CUX2: variants seen among roughly 807,000 people sequenced by gnomAD.
CUX2 encodes the protein homeobox protein cut-like 2.
In CUX2, 40 loss-of-function variants were observed where a neutral mutation model predicts 144.8. The observed-to-expected ratio is 0.28, with a 90% CI of 0.21 to 0.36. The LOEUF (loss-of-function observed/expected upper bound fraction) is 0.36. Among genes scored for constraint, CUX2 ranks in the 10% least tolerant of loss-of-function variants. CUX2 has a pLI of 1.00. For missense variants in CUX2, 1,615 were observed against 1,994.0 expected (o/e 0.81, Z 3.62); for synonymous variants, 827 against 875.6 (o/e 0.94, Z 0.98).
At chr12:111,065,357 G>A (rs1230469722) in intron 1 of CUX2, among the ~76,000 whole-genome samples, 1 of 152,268 alleles carries the variant, frequency 6.6e-6, no homozygotes, top group Non-Finnish European at 1.5e-5. Flanking sequence ...TGTTTGAGAC[G>A]GAGTCTTGCT....
chr12:111,195,012 C>T (rs1309141420), intron 1 of CUX2, among the ~76,000 whole-genome samples: 4 of 152,158 alleles, frequency 2.6e-5, no homozygotes, highest in African/African-American at 7.2e-5. Context: ...GACCCACATG[C>T]GGGGGTGTCA....
intron 19 of CUX2, among the ~76,000 whole-genome samples, chr12:111,337,044 G>A (rs1158326864): frequency 1.3e-5 from 2 of 151,922 alleles, no homozygotes; most frequent in Admixed American, 1.3e-4. Context: ...GCATGGTAGT[G>A]TGTGCCTATA....
chr12:111,318,731 G>A (rs548929610), intron 16 of CUX2, among the ~76,000 whole-genome samples: 18 of 151,830 alleles, frequency 1.2e-4, no homozygotes, highest in South Asian at 2.1e-4. Flanking sequence ...CACCCAGGTC[G>A]GAGTGCAATC....
At chr12:111,241,972 A>G (rs1883040454) in intron 3 of CUX2, among the ~76,000 whole-genome samples, 1 of 152,256 alleles carries the variant, frequency 6.6e-6, no homozygotes, top group South Asian at 2.1e-4. Flanking sequence ...TGAAAAGACC[A>G]TGTTTTCTCA....
At chr12:111,272,553 C>T (rs1884684879) in intron 4 of CUX2, among the ~76,000 whole-genome samples, 1 of 152,178 alleles carries the variant, frequency 6.6e-6, no homozygotes, top group Non-Finnish European at 1.5e-5. Context: ...CAACCTCCGC[C>T]TCTAGGGTTC....
chr12:111,135,150 A>T (rs1875779662), intron 1 of CUX2, among the ~76,000 whole-genome samples: 1 of 149,872 alleles, frequency 6.7e-6, no homozygotes, highest in African/African-American at 2.4e-5. Context: ...GACTGTAAAT[A>T]GTAGAAAGGT....
chr12:111,098,398 T>TC (rs1872966158), intron 1 of CUX2, among the ~76,000 whole-genome samples: 1 of 131,790 alleles, frequency 7.6e-6, no homozygotes, highest in Admixed American at 7.7e-5. Flanking sequence ...AGACTTCGTC[T>TC]CAAAAAAAAA....
chr12:111,334,728 A>C lies in CUX2; in HGVS notation c.3196+18A>C. 6.4e-7 allele frequency: 1 copy of C among 1,571,802 alleles called. No homozygotes were observed. The highest frequency in any genetic ancestry group is 8.6e-7 in the Non-Finnish European group (1 of 1,156,554). ...CAATCTAGGTACGGAGCGGGTGGGA[A>C]TCGGAGAGGCTGCCTCCCACCTGGG... On this transcript the variant is annotated intron_variant, in intron 19 of 21. Transcript: ENST00000261726.
At chr12:111,213,556 T>C (rs1054957505) in intron 1 of CUX2, among the ~76,000 whole-genome samples, 3 of 152,208 alleles carry the variant, frequency 2.0e-5, no homozygotes, top group African/African-American at 7.2e-5. Flanking sequence ...GAGTCTTCAA[T>C]GAAATATTTC....
chr12:111,216,954 C>T (rs2136228066), intron 2 of CUX2, among the ~76,000 whole-genome samples: 1 of 152,338 alleles, frequency 6.6e-6, no homozygotes, highest in East Asian at 1.9e-4. Flanking sequence ...TATCTAGTCC[C>T]TCAGTGCCTC....
At chr12:111,070,903 C>A (rs1281472109) in intron 1 of CUX2, among the ~76,000 whole-genome samples, 1 of 152,166 alleles carries the variant, frequency 6.6e-6, no homozygotes, top group Non-Finnish European at 1.5e-5. Context: ...TAACAACCTG[C>A]ATTTAAGATT....
chr12:111,115,599 G>T (rs556074652), intron 1 of CUX2, among the ~76,000 whole-genome samples: 1 of 152,030 alleles, frequency 6.6e-6, no homozygotes, highest in South Asian at 2.1e-4. Flanking sequence ...TATGAACATG[G>T]TATATCTCCA....
chr12:111,320,376 G>T lies in CUX2; in HGVS notation c.2367G>T (p.Trp789Cys). Reference protein sequence around the residue: ...IGDAGYFDHHWASDRGLLSRP... With the variant: ...IGDAGYFDHHCASDRGLLSRP... Reference sequence around the variant, plus strand: ...ACGCCGGCTACTTCGACCACCACTGGGCCTCCGACCGCGGCCTGCTCAGCC... The same window carrying T: ...ACGCCGGCTACTTCGACCACCACTGTGCCTCCGACCGCGGCCTGCTCAGCC... The change falls in exon 17 of 22, where the codon TGG becomes TGT. Residue 789 changes from tryptophan (W) to cysteine (C), a missense_variant. Around this residue, in one of 12 missense-constraint regions of CUX2, gnomAD observed 390 missense variants for 387.1 expected, o/e 1.01. Coordinates refer to ENST00000261726, the MANE Select transcript of CUX2 (RefSeq NM_015267.4). This position sits in a 1 kb window ranked among gnomAD's most constrained non-coding sequence, Gnocchi z 8.1. 1.9e-6 allele frequency: 3 copies of T among 1,598,108 alleles called. No homozygotes were observed. The highest frequency in any genetic ancestry group is 2.5e-6 in the Non-Finnish European group (3 of 1,179,164).
In CUX2 at chr12:111,076,196, G is replaced by A. The variant is rs116779257; in HGVS notation, c.63+41956G>A. ...AGCATCATCATTTTTATAAAGATCA[G>A]GTCCTCAGGCTGGGATGTGCAGTTG... On this transcript the variant is annotated intron_variant, in intron 1 of 21. Coordinates refer to ENST00000261726, the MANE Select transcript of CUX2 (RefSeq NM_015267.4). Among the ~76,000 whole-genome samples the A allele has an allele frequency of 1.8e-3, 278 of 152,272 alleles. 4 individuals carry two copies. Among genetic ancestry groups the A allele is most frequent in the African/African-American group, 6.4e-3 (264 of 41,548 alleles).
chr12:111,204,728 C>T (rs1565847310), intron 1 of CUX2, among the ~76,000 whole-genome samples: 1 of 152,170 alleles, frequency 6.6e-6, no homozygotes, highest in African/African-American at 2.4e-5. Context: ...CCACTGCACT[C>T]TAGATGCCAC....
chr12:111,180,786 C>G (rs1293783217), intron 1 of CUX2, among the ~76,000 whole-genome samples: 1 of 152,234 alleles, frequency 6.6e-6, no homozygotes, highest in African/African-American at 2.4e-5. Flanking sequence ...GGTTGCCTCC[C>G]CTCCTCAAAG....
At chr12:111,189,430 A>G (rs974485857) in intron 1 of CUX2, among the ~76,000 whole-genome samples, 14 of 152,176 alleles carry the variant, frequency 9.2e-5, no homozygotes, top group African/African-American at 2.9e-4. Flanking sequence ...TCTTACGTAA[A>G]TGGAATCGTA....
chr12:111,211,965 C>T (rs1881260097), intron 1 of CUX2, among the ~76,000 whole-genome samples: 1 of 152,006 alleles, frequency 6.6e-6, no homozygotes, highest in Non-Finnish European at 1.5e-5. Flanking sequence ...TCTGTTTGTC[C>T]TGTAGCAATG....
At chr12:111,051,143 G>A (rs981814995) in intron 1 of CUX2, among the ~76,000 whole-genome samples, 7 of 152,116 alleles carry the variant, frequency 4.6e-5, no homozygotes, top group Admixed American at 2.0e-4. Context: ...AATGCATTTT[G>A]TTTTAAAAAG....
Sources: gnomAD v4.1 joint callset for allele counts (sites outside exome capture counted in the v4.1 genomes callset) on GRCh38, gnomAD v4.1.1 for gene constraint, gnomAD v4.1.1 regional missense constraint, Gnocchi (gnomAD v3.1) non-coding constraint, MANE v1.5 for transcripts, NCBI Gene and HGNC (gene_info 2026-07-23, HGNC 2026-07-21) for gene names.